Variants in VAV3 observed in about 807,000 individuals in gnomAD.
VAV3 encodes the protein vav guanine nucleotide exchange factor 3, also known as guanine nucleotide exchange factor VAV3.
VAV3 carries 94 observed loss-of-function variants against 131.2 expected under a neutral mutation model. That is an observed-to-expected ratio of 0.72 (90% confidence interval 0.61 to 0.85). VAV3 has a LOEUF of 0.85. Ranked by LOEUF, VAV3 falls within the 40% of genes least tolerant of loss-of-function variation. VAV3 has a pLI of 0.00. For synonymous variants in VAV3, 349 were observed against 342.0 expected, an observed-to-expected ratio of 1.02 and a Z score of -0.22; for missense variants, 939 against 1,002.7, an observed-to-expected ratio of 0.94 and a Z score of 0.86.
chr1:107,951,409 T>G (rs1269182274), intron 1 of VAV3, among the ~76,000 whole-genome samples: 1 of 152,218 alleles, frequency 6.6e-6, no homozygotes, highest in Non-Finnish European at 1.5e-5. Context: ...ATGATTTATC[T>G]CTATGCCTTT....
chr1:107,792,214 A>G (rs1666323781), intron 2 of VAV3, among the ~76,000 whole-genome samples: 1 of 152,332 alleles, frequency 6.6e-6, no homozygotes, highest in African/African-American at 2.4e-5. Flanking sequence ...TGCTAAAGCA[A>G]GTGTTGAGTA....
chr1:107,767,356 C>A (rs1037857599), intron 7 of VAV3, among the ~76,000 whole-genome samples: 1 of 152,120 alleles, frequency 6.6e-6, no homozygotes. Context: ...TCCTGTGTAC[C>A]TTGGAGCACA....
chr1:107,641,362 C>G (rs930850499), intron 20 of VAV3, among the ~76,000 whole-genome samples: 2 of 152,218 alleles, frequency 1.3e-5, no homozygotes, highest in African/African-American at 2.4e-5. Context: ...CCACATTTCA[C>G]TCGTGATAAC....
At chr1:107,650,115 G>C (rs1418945377) in intron 19 of VAV3, among the ~76,000 whole-genome samples, 1 of 152,056 alleles carries the variant, frequency 6.6e-6, no homozygotes, top group Non-Finnish European at 1.5e-5. Flanking sequence ...TGAATGCTCT[G>C]AAACTGGAAA....
intron 15 of VAV3, among the ~76,000 whole-genome samples, chr1:107,719,330 G>A (rs1197845532): frequency 1.3e-5 from 2 of 151,978 alleles, no homozygotes; most frequent in Non-Finnish European, 2.9e-5. Context: ...CTAATGTCTA[G>A]AATCTACAAA....
chr1:107,778,433 T>G (rs1253780075), intron 3 of VAV3, among the ~76,000 whole-genome samples: 3 of 152,104 alleles, frequency 2.0e-5, no homozygotes, highest in Non-Finnish European at 2.9e-5. Flanking sequence ...TAACATAAAA[T>G]ATATATTGAC....
intron 20 of VAV3, among the ~76,000 whole-genome samples, chr1:107,621,285 T>G (rs759497801): frequency 6.6e-6 from 1 of 152,234 alleles, no homozygotes; most frequent in East Asian, 1.9e-4. Flanking sequence ...TTTAACCTAT[T>G]TTAACGTATG....
At chr1:107,682,636 G>A (rs1658724831) in intron 19 of VAV3, among the ~76,000 whole-genome samples, 1 of 152,044 alleles carries the variant, frequency 6.6e-6, no homozygotes, top group Non-Finnish European at 1.5e-5. Context: ...TGCTACCATG[G>A]GTGTGGTTTC....
At chr1:107,634,886 C>G (rs547507034) in intron 20 of VAV3, among the ~76,000 whole-genome samples, 2 of 151,956 alleles carry the variant, frequency 1.3e-5, no homozygotes, top group Non-Finnish European at 2.9e-5. Context: ...TCATCACTTG[C>G]CATCAGAGAA....
At chr1:107,948,463 C>G (rs1199550626) in intron 1 of VAV3, among the ~76,000 whole-genome samples, 1 of 152,188 alleles carries the variant, frequency 6.6e-6, no homozygotes, top group Non-Finnish European at 1.5e-5. Flanking sequence ...ATCAGAGGAC[C>G]TGGACTGCTC....
intron 1 of VAV3, among the ~76,000 whole-genome samples, chr1:107,892,617 C>CAA (rs56357831): frequency 1.3e-3 from 197 of 150,988 alleles, no homozygotes; most frequent in Admixed American, 1.6e-3. Context: ...AAATTAGTTA[C>CAA]AAAAAAAAAT....
At position 107,768,438 on chromosome 1, in the gene VAV3, C is replaced by T. The variant is rs756666180; in HGVS notation, c.717+3G>A. 1 of 1,609,084 alleles carries T rather than the reference C, an allele frequency of 6.2e-7. No homozygotes were observed. The highest frequency in any genetic ancestry group is 8.5e-7 in the Non-Finnish European group (1 of 1,177,508). ...CAATTTTAGCTAGCATATTTTTACT[C>T]ACAGGAATGTTGATGAATACTGAAT... is the stretch of plus-strand genomic sequence containing the variant. On this transcript the variant is annotated splice_donor_region_variant and intron_variant, in intron 7 of 26. Coordinates refer to ENST00000370056, the MANE Select transcript of VAV3 (RefSeq NM_006113.5).
At chr1:107,813,912 C>T (rs968098191) in intron 2 of VAV3, among the ~76,000 whole-genome samples, 5 of 150,916 alleles carry the variant, frequency 3.3e-5, no homozygotes, top group African/African-American at 1.2e-4. Context: ...CCAGAACCAA[C>T]CATGTTGTTG....
intron 2 of VAV3, among the ~76,000 whole-genome samples, chr1:107,811,519 T>G (rs1416682644): frequency 6.6e-6 from 1 of 152,204 alleles, no homozygotes; most frequent in Admixed American, 6.5e-5. Context: ...GCTGAAATTA[T>G]CACATTTTTA....
chr1:107,804,910 G>A (rs1054473115), intron 2 of VAV3, among the ~76,000 whole-genome samples: 5 of 150,586 alleles, frequency 3.3e-5, no homozygotes, highest in African/African-American at 1.2e-4. Flanking sequence ...ATATGTGAAG[G>A]ATAGCGTTGT....
At chr1:107,784,789 C>T (rs1367600449) in intron 2 of VAV3, among the ~76,000 whole-genome samples, 1 of 152,132 alleles carries the variant, frequency 6.6e-6, no homozygotes, top group Non-Finnish European at 1.5e-5. Context: ...TAATACCTTG[C>T]TAAATTGTTT....
At chr1:107,592,613 T>A (rs1191416772) in intron 25 of VAV3, among the ~76,000 whole-genome samples, 1 of 152,046 alleles carries the variant, frequency 6.6e-6, no homozygotes, top group African/African-American at 2.4e-5. Flanking sequence ...AATGCACCAA[T>A]CTGTTAACAT....
intron 20 of VAV3, among the ~76,000 whole-genome samples, chr1:107,640,043 A>G (rs151052194): frequency 6.6e-6 from 1 of 152,304 alleles, no homozygotes; most frequent in East Asian, 1.9e-4. Context: ...AGGCACTTTG[A>G]GTAACAATTT....
intron 19 of VAV3, among the ~76,000 whole-genome samples, chr1:107,655,642 T>A (rs1656493907): frequency 6.6e-6 from 1 of 151,982 alleles, no homozygotes; most frequent in East Asian, 1.9e-4. Flanking sequence ...ACTAAAAAGC[T>A]TCTGAAGAGC....
Sources: allele counts gnomAD v4.1 joint callset (sites outside exome capture counted in the v4.1 genomes callset), GRCh38; gene constraint gnomAD v4.1.1; transcripts MANE v1.5; gene names NCBI Gene and HGNC (gene_info 2026-07-23, HGNC 2026-07-21).